The following CRTC1 variants were observed in gnomAD, a reference collection of about 807,000 sequenced individuals.
CRTC1 encodes the protein CREB regulated transcription coactivator 1, also known as CREB-regulated transcription coactivator 1.
Under a neutral mutation model 66.1 loss-of-function variants are expected in CRTC1, and 18 were observed. The observed-to-expected ratio is 0.27, with a 90% CI of 0.19 to 0.40. The LOEUF (loss-of-function observed/expected upper bound fraction) is 0.40, where lower values mean the gene tolerates loss of function less well. CRTC1 is among the 10% of genes least tolerant of loss of function. CRTC1 has a pLI of 1.00. For synonymous variants in CRTC1, 416 were observed against 398.8 expected (o/e 1.04, Z -0.51); for missense variants, 669 against 887.9 (o/e 0.75, Z 3.13).
intron 1 of CRTC1, among the ~76,000 whole-genome samples, chr19:18,692,188 A>C (rs2052858761): frequency 2.0e-5 from 3 of 147,662 alleles, no homozygotes; most frequent in African/African-American, 2.5e-5. Flanking sequence ...TGAAGGGTCC[A>C]CTCCGGGCCT....
intron 1 of CRTC1, among the ~76,000 whole-genome samples, chr19:18,724,272 G>A (rs1219034451): frequency 1.3e-5 from 2 of 152,014 alleles, no homozygotes; most frequent in African/African-American, 4.8e-5. Flanking sequence ...CTCTGCACTC[G>A]CTAGGAGTCA....
chr19:18,753,380 C>A, intron 5 of CRTC1, 120 bp from the exon 6 acceptor site: 1 of 681,548 alleles, frequency 1.5e-6, no homozygotes, highest in South Asian at 2.0e-5. Flanking sequence ...CCCGTTAGGA[C>A]AGTTGCAGTC....
intron 2 of CRTC1, 134 bp downstream of exon 2, chr19:18,743,160 T>A: frequency 2.7e-6 from 2 of 727,436 alleles, no homozygotes; most frequent in Non-Finnish European, 4.7e-6. Context: ...CTTCTCCTTG[T>A]CTGCCCTGGG....
At chr19:18,722,841 A>AT (rs1378094916) in intron 1 of CRTC1, among the ~76,000 whole-genome samples, 1 of 152,038 alleles carries the variant, frequency 6.6e-6, no homozygotes, top group African/African-American at 2.4e-5. Context: ...TGGATATTTC[A>AT]TATCAATGAA....
At chr19:18,747,410 G>A (rs1263648474) in intron 4 of CRTC1, among the ~76,000 whole-genome samples, 1 of 152,150 alleles carries the variant, frequency 6.6e-6, no homozygotes, top group African/African-American at 2.4e-5. Flanking sequence ...GCCGAGGCAG[G>A]CGGATCACTT....
chr19:18,765,834 G>A (rs938195732), intron 9 of CRTC1, among the ~76,000 whole-genome samples: 2 of 151,974 alleles, frequency 1.3e-5, no homozygotes, highest in South Asian at 2.1e-4. Flanking sequence ...GGTGGTGTGC[G>A]CCTGTGGTCC....
intron 5 of CRTC1, 21 bp from the exon 6 acceptor site, chr19:18,753,479 C>A (rs750119863): frequency 6.4e-7 from 1 of 1,567,152 alleles, no homozygotes. Flanking sequence ...GATTCTCCTT[C>A]TCCCCCTCCC....
At chr19:18,740,245 T>A (rs1391482708) in intron 1 of CRTC1, among the ~76,000 whole-genome samples, 3 of 148,620 alleles carry the variant, frequency 2.0e-5, no homozygotes, top group Non-Finnish European at 3.0e-5. Flanking sequence ...AGAGCTAGAC[T>A]CCATCTTAAA....
At chr19:18,754,533 G>A (rs1256088210) in intron 6 of CRTC1, among the ~76,000 whole-genome samples, 1 of 152,168 alleles carries the variant, frequency 6.6e-6, no homozygotes, top group South Asian at 2.1e-4. Context: ...AAAAATATTT[G>A]CTCCAATAAT....
Position 18,756,368 on chromosome 19 carries a change from C to T in CRTC1, c.624+2783C>T, listed in dbSNP as rs139955555. ...AAAAAAAAAAAAACTCTAGGCTGGA[C>T]GGACACAGTGGCTCGTGCCTGTAAT... On this transcript the variant is annotated intron_variant, in intron 6 of 13. Transcript: ENST00000321949. 2.4e-3 allele frequency among the ~76,000 whole-genome samples: 341 copies of T among 140,672 alleles called. 1 individual carries two copies. The highest frequency in any genetic ancestry group is 8.9e-3 in the African/African-American group (332 of 37,240). 92.3% of individuals were successfully genotyped at this position (140,672 alleles called of 152,430 possible). A position where few individuals can be genotyped will look rare whatever the true frequency, so the allele number is the denominator to read the frequency against.
rs530364213 is a variant in CRTC1 at position 18,720,023 on chromosome 19, A to G, written c.127-22887A>G. Among the ~76,000 whole-genome samples, 8 of 152,336 alleles carry G rather than the reference A, an allele frequency of 5.3e-5. No homozygotes were observed. In the South Asian group the frequency reaches 6.2e-4, roughly 12 times the overall value. ...CCCCGCCAGTGGTTTGCATTATTCA[A>G]TTGGTGATAAGATTTAAAATTAAAC... On this transcript the variant is annotated intron_variant, in intron 1 of 13. Transcript: ENST00000321949.
Position 18,774,909 on chromosome 19 carries a change from A to G in CRTC1, c.1435A>G (p.Thr479Ala). Residue 479 changes from threonine to alanine, a missense_variant, in exon 12 of 14, where the codon ACC becomes GCC. This residue lies in a region of CRTC1 where 79 missense variants were observed against 100.1 expected (regional missense o/e 0.79). Coordinates refer to ENST00000321949, the MANE Select transcript of CRTC1 (RefSeq NM_015321.3). ...SPGSSPQHTS[T>A]LGSVFGDAYY... ...TCTCTTCTGTCTGCAGCACACTTCC[A>G]CCCTGGGCAGCGTGTTTGGGGACGC... The G allele has an allele frequency of 6.2e-7, 1 of 1,610,576 alleles. No homozygotes were observed. Among genetic ancestry groups the G allele is most frequent in the African/African-American group, 1.3e-5 (1 of 74,978 alleles).
chr19:18,691,145 T>C (rs1600746349), intron 1 of CRTC1, among the ~76,000 whole-genome samples: 1 of 140,918 alleles, frequency 7.1e-6, no homozygotes, highest in Non-Finnish European at 1.5e-5. Flanking sequence ...GAGGTTACAG[T>C]GAATTATAAT....
At position 18,780,044 on chromosome 19, in the gene CRTC1, C is replaced by A. The variant is rs2055073544; in HGVS notation, c.*2662C>A. 1 of 230,576 alleles carries A rather than the reference C, an allele frequency of 4.3e-6. No individual in the cohort carries two copies. Among genetic ancestry groups the A allele is most frequent in the Non-Finnish European group, 8.6e-6 (1 of 116,530 alleles). 14.3% of individuals were successfully genotyped at this position (230,576 alleles called of 1,614,324 possible). A position where few individuals can be genotyped will look rare whatever the true frequency, so the allele number is the denominator to read the frequency against. ...CATATTCTTGAATTGCCAAGACTTT[C>A]TGAAACAAGACAGCTTAAGGGAATC... On this transcript the variant is annotated 3_prime_UTR_variant, in exon 14 of 14. Coordinates refer to ENST00000321949, the MANE Select transcript of CRTC1 (RefSeq NM_015321.3).
In CRTC1 at chr19:18,778,314, T is replaced by A. The variant is rs2055040041; in HGVS notation, c.*932T>A. On this transcript the variant is annotated 3_prime_UTR_variant, in exon 14 of 14. Coordinates refer to ENST00000321949, the MANE Select transcript of CRTC1 (RefSeq NM_015321.3). ...GTTTTTTTTTCCTTTTAGTTTCTAG[T>A]TACATTTTGGTTGTAGATGACTCGC... The A allele has an allele frequency of 4.3e-6, 1 of 232,892 alleles. No individual in the cohort carries two copies. The highest frequency in any genetic ancestry group is 6.0e-5 in the East Asian group (1 of 16,540). 14.4% of individuals were successfully genotyped at this position (232,892 alleles called of 1,614,324 possible).
At chr19:18,742,797 T>G (rs2054139781) in intron 1 of CRTC1, 113 bp from the exon 2 acceptor site, 1 of 757,768 alleles carries the variant, frequency 1.3e-6, no homozygotes, top group South Asian at 1.5e-5. Context: ...TGCAAACTTC[T>G]GCACTTAGGC....
chr19:18,780,287 C>T lies in CRTC1; in HGVS notation c.*2905C>T, dbSNP rs576883070. On this transcript the variant is annotated 3_prime_UTR_variant, in exon 14 of 14. Coordinates refer to ENST00000321949, the MANE Select transcript of CRTC1 (RefSeq NM_015321.3). ...CTCTGCTGGGTACATCGGTCCCCTA[C>T]GGCGAAGTTCAGCCAGGGCTCTCCC... 60 of 231,344 alleles carry T rather than the reference C, an allele frequency of 2.6e-4. No homozygotes were observed. Among genetic ancestry groups the T allele is most frequent in the African/African-American group, 1.1e-3 (48 of 45,334 alleles). The allele number at this position is 231,344 out of a possible 1,614,324, so 14.3% of individuals were successfully genotyped here.
chr19:18,777,450 C>G lies in CRTC1; in HGVS notation c.*68C>G. The G allele has an allele frequency of 7.1e-7, 1 of 1,400,494 alleles. No homozygotes were observed. Among genetic ancestry groups the G allele is most frequent in the Non-Finnish European group, 1.0e-6 (1 of 1,000,758 alleles). The allele number at this position is 1,400,494 out of a possible 1,614,324, so 86.8% of individuals were successfully genotyped here. On this transcript the variant is annotated 3_prime_UTR_variant, in exon 14 of 14. Transcript: ENST00000321949. The surrounding 1 kb of genome is among the most constrained non-coding windows in gnomAD (Gnocchi z 5.5). Reference sequence around the variant, plus strand: ...CCTCCCCAGCCCGGGGACGGCCGTGCTCCGTCCCTCGCCAACGGCCGAGCT... The same window carrying G: ...CCTCCCCAGCCCGGGGACGGCCGTGGTCCGTCCCTCGCCAACGGCCGAGCT...
intron 1 of CRTC1, among the ~76,000 whole-genome samples, chr19:18,716,150 T>G (rs1376512228): frequency 1.3e-5 from 2 of 151,744 alleles, no homozygotes; most frequent in African/African-American, 4.8e-5. Context: ...CTGTAGTGAG[T>G]GCAGCAGCCA....
Sources: allele counts gnomAD v4.1 joint callset (sites outside exome capture counted in the v4.1 genomes callset), GRCh38; gene constraint gnomAD v4.1.1; regional missense constraint gnomAD v4.1.1; non-coding constraint Gnocchi (gnomAD v3.1); transcripts MANE v1.5; gene names NCBI Gene and HGNC (gene_info 2026-07-23, HGNC 2026-07-21).